The following GNPTAB variants were observed in gnomAD, a reference collection of about 807,000 sequenced individuals.
GNPTAB encodes N-acetylglucosamine-1-phosphate transferase subunits alpha and beta.
GNPTAB carries 92 observed loss-of-function variants against 136.6 expected under a neutral mutation model. The ratio of observed to expected loss-of-function variants is 0.67; its 90% confidence interval spans 0.57 to 0.80. The LOEUF (loss-of-function observed/expected upper bound fraction) is 0.80, where lower values mean the gene tolerates loss of function less well. GNPTAB is among the 30% of genes least tolerant of loss of function. GNPTAB has a pLI of 0.00. For missense variants in GNPTAB, 1,343 were observed against 1,501.8 expected (o/e 0.89, Z 1.75); for synonymous variants, 512 against 535.1 (o/e 0.96, Z 0.60).
At chr12:101,756,465 T>A in intron 18 of GNPTAB, 1 of 398,584 alleles carries the variant, frequency 2.5e-6, no homozygotes, top group Non-Finnish European at 4.9e-6. Context: ...GTTCCACTAG[T>A]CAGGAGGCTG....
intron 1 of GNPTAB, chr12:101,810,382 G>C (rs1870151882): frequency 7.0e-6 from 1 of 142,464 alleles, no homozygotes; most frequent in Non-Finnish European, 1.5e-5. Flanking sequence ...AAAATATAAA[G>C]TCTACTCCAA....
In GNPTAB at chr12:101,753,409, G is replaced by C. The variant is rs137852897; in HGVS notation, c.3565C>G (p.Arg1189Gly). The C allele has an allele frequency of 6.2e-7, 1 of 1,613,932 alleles. No homozygotes were observed. Among genetic ancestry groups the C allele is most frequent in the East Asian group, 2.2e-5 (1 of 44,860 alleles). ...TCATGCATATGAAGGAAACGGTTTC[G>C]ATACTCTCTTGGCAGTTCAAATTGG... ...PSQFELPREY[R>G]NRFLHMHELQ... Residue 1189 changes from arginine (R) to glycine (G), a missense_variant, in exon 19 of 21, where the codon CGA becomes GGA. Arg to Gly is a moderately radical substitution (Grantham distance 125). Transcript: ENST00000299314.
At chr12:101,757,064 C>T in intron 18 of GNPTAB, 148 bp downstream of exon 18, 1 of 598,772 alleles carries the variant, frequency 1.7e-6, no homozygotes. Flanking sequence ...CTTGCAACTC[C>T]TATCTCTCAC....
chr12:101,748,532 C>T (rs1298558898), intron 20 of GNPTAB, among the ~76,000 whole-genome samples: 2 of 152,218 alleles, frequency 1.3e-5, no homozygotes, highest in Admixed American at 1.3e-4. Flanking sequence ...CCTCCGACTT[C>T]TGGACACTCA....
chr12:101,783,218 G>C (rs374731549), intron 5 of GNPTAB, among the ~76,000 whole-genome samples: 1 of 151,868 alleles, frequency 6.6e-6, no homozygotes, highest in Non-Finnish European at 1.5e-5. Context: ...GCACACAGCA[G>C]GCACTTAATA....
Position 101,770,978 on chromosome 12 carries a change from C to G in GNPTAB, c.933+18G>C. The G allele has an allele frequency of 6.2e-7, 1 of 1,612,224 alleles. No homozygotes were observed. Among genetic ancestry groups the G allele is most frequent in the South Asian group, 1.1e-5 (1 of 91,014 alleles). ...TAACCTTTGATTTGGGCTGTAAAAG[C>G]TTCTGTGCATCCCTTACCTGGCTGA... On this transcript the variant is annotated intron_variant, in intron 8 of 20. Transcript: ENST00000299314.
intron 1 of GNPTAB, among the ~76,000 whole-genome samples, chr12:101,799,050 T>TA (rs111416416): frequency 6.7e-4 from 80 of 120,190 alleles, no homozygotes; most frequent in African/African-American, 9.4e-4. Flanking sequence ...TCATTGTTTT[T>TA]TAAAAAAAAA....
chr12:101,747,522 A>G (rs1159243700), intron 20 of GNPTAB, among the ~76,000 whole-genome samples: 2 of 151,898 alleles, frequency 1.3e-5, no homozygotes, highest in East Asian at 3.9e-4. Context: ...ACCTACAACT[A>G]CAGATTTTTA....
At chr12:101,783,094 G>A (rs1035020921) in intron 5 of GNPTAB, among the ~76,000 whole-genome samples, 9 of 151,382 alleles carry the variant, frequency 5.9e-5, no homozygotes, top group African/African-American at 1.7e-4. Flanking sequence ...CTTATTTATC[G>A]TGTTTACCGT....
At chr12:101,784,277 C>A (rs375413612) in intron 5 of GNPTAB, among the ~76,000 whole-genome samples, 1 of 152,046 alleles carries the variant, frequency 6.6e-6, no homozygotes, top group Non-Finnish European at 1.5e-5. Context: ...TGGGGCTGGA[C>A]GAAGCAGGGG....
intron 7 of GNPTAB, among the ~76,000 whole-genome samples, chr12:101,774,832 C>G (rs1448684922): frequency 6.6e-6 from 1 of 152,166 alleles, no homozygotes; most frequent in South Asian, 2.1e-4. Flanking sequence ...AGTTTGAATG[C>G]ATGTTTTTAA....
intron 1 of GNPTAB, among the ~76,000 whole-genome samples, chr12:101,823,679 T>A (rs1407142543): frequency 2.1e-5 from 3 of 145,188 alleles, no homozygotes; most frequent in African/African-American, 5.1e-5. Context: ...ATTAACAAAA[T>A]GAACAATATT....
Position 101,796,226 on chromosome 12 carries a change from T to C in GNPTAB, c.203+451A>G, listed in dbSNP as rs552363204. ...GTGTAGTAGCCACCTGGTTTCCTCA[T>C]CCTACAGGGGGATGAAATTCCCTTT... On this transcript the variant is annotated intron_variant, in intron 2 of 20. Coordinates refer to ENST00000299314, the MANE Select transcript of GNPTAB (RefSeq NM_024312.5). The C allele has an allele frequency of 4.3e-6, 3 of 702,340 alleles. No individual in the cohort carries two copies. The Admixed American group carries it at 6.0e-5, about 14-fold the overall frequency. The allele number at this position is 702,340 out of a possible 1,614,324, so 43.5% of individuals were successfully genotyped here.
chr12:101,807,230 T>C (rs1258894465), intron 1 of GNPTAB, among the ~76,000 whole-genome samples: 1 of 152,204 alleles, frequency 6.6e-6, no homozygotes, highest in Non-Finnish European at 1.5e-5. Context: ...AATCCAACAT[T>C]AATTTATGAT....
intron 1 of GNPTAB, among the ~76,000 whole-genome samples, chr12:101,820,269 A>C (rs1870725892): frequency 6.6e-6 from 1 of 152,224 alleles, no homozygotes; most frequent in East Asian, 1.9e-4. Flanking sequence ...TGCGAGAGCA[A>C]ATGAACTTGT....
At chr12:101,821,274 G>C (rs1594262037) in intron 1 of GNPTAB, among the ~76,000 whole-genome samples, 1 of 152,190 alleles carries the variant, frequency 6.6e-6, no homozygotes, top group Non-Finnish European at 1.5e-5. Context: ...TGGATCCCCA[G>C]GGGCCTGGTA....
rs141418811 is a variant in GNPTAB, at chr12:101,753,195, G to C, written c.3602+177C>G. Among the ~76,000 whole-genome samples the C allele has an allele frequency of 2.9e-3, 436 of 151,988 alleles. 2 individuals carry two copies. The highest frequency in any genetic ancestry group is 4.5e-3 in the Admixed American group (68 of 15,252). On this transcript the variant is annotated intron_variant, in intron 19 of 20. Transcript: ENST00000299314. ...TTGTACCCAGGAGGCGGAGGTTGCA[G>C]TGAGCTGAGGTTGCGCCATTGCACT...
At chr12:101,802,335 T>C (rs937045175) in intron 1 of GNPTAB, among the ~76,000 whole-genome samples, 2 of 152,198 alleles carry the variant, frequency 1.3e-5, no homozygotes, top group African/African-American at 4.8e-5. Flanking sequence ...CTGAACTTCG[T>C]GCCATTGCCA....
At chr12:101,828,654 C>T (rs1220157371) in intron 1 of GNPTAB, among the ~76,000 whole-genome samples, 2 of 152,012 alleles carry the variant, frequency 1.3e-5, no homozygotes, top group Non-Finnish European at 2.9e-5. Context: ...TGCGCCATTG[C>T]ACTCCAGCTT....
Sources: gnomAD v4.1 joint callset for allele counts (sites outside exome capture counted in the v4.1 genomes callset) on GRCh38, gnomAD v4.1.1 for gene constraint, MANE v1.5 for transcripts, NCBI Gene and HGNC (gene_info 2026-07-23, HGNC 2026-07-21) for gene names.